Variants in TBC1D12 observed in about 807,000 individuals in gnomAD.
TBC1D12 encodes the protein TBC1 domain family, member 12.
In TBC1D12, 56 loss-of-function variants were observed where a neutral mutation model predicts 86.7. That is an observed-to-expected ratio of 0.65 (90% CI 0.52 to 0.81). The LOEUF (loss-of-function observed/expected upper bound fraction) is 0.81, where lower values mean the gene tolerates loss of function less well. Among genes scored for constraint, TBC1D12 ranks in the 30% least tolerant of loss-of-function variants. The pLI, the probability that TBC1D12 is intolerant of heterozygous loss-of-function variation, is 0.00. For missense variants in TBC1D12, 1,023 were observed against 1,038.8 expected (o/e 0.98, Z 0.21); for synonymous variants, 421 against 411.7 (o/e 1.02, Z -0.27).
chr10:94,428,702 A>G (rs149679835), intron 1 of TBC1D12, among the ~76,000 whole-genome samples: 3 of 151,538 alleles, frequency 2.0e-5, no homozygotes, highest in Non-Finnish European at 4.4e-5. Flanking sequence ...CCTGTGGCCC[A>G]TTTGTGTAGG....
rs2054795783 is a variant in TBC1D12, at chr10:94,403,232, G to A, written c.619G>A (p.Ala207Thr). ...GCTGCGGAGCTGCTGCCTGGTGGCC[G>A]CGGACGCCCAGGAGCCCGAGGGCGC... ...DPLRSCCLVA[A>T]DAQEPEGAGS... Residue 207 changes from alanine (A) to threonine (T), a missense_variant, in exon 1 of 13, where the codon GCG becomes ACG. Ala to Thr is a moderately conservative substitution (Grantham distance 58). Transcript: ENST00000225235. 2 of 1,506,200 alleles carry A rather than the reference G, an allele frequency of 1.3e-6. No individual in the cohort carries two copies. The highest frequency in any genetic ancestry group is 1.8e-6 in the Non-Finnish European group (2 of 1,129,448). The allele number at this position is 1,506,200 out of a possible 1,614,324, so 93.3% of individuals were successfully genotyped here. A position where few individuals can be genotyped will look rare whatever the true frequency, so the allele number is the denominator to read the frequency against.
chr10:94,479,544 AAG>A (rs1385782550), intron 3 of TBC1D12, among the ~76,000 whole-genome samples: 2 of 152,138 alleles, frequency 1.3e-5, no homozygotes, highest in African/African-American at 4.8e-5. Flanking sequence ...AAAAGGAAAT[AAG>A]AGAGACTTAA....
At chr10:94,411,361 A>G (rs1311275807) in intron 1 of TBC1D12, among the ~76,000 whole-genome samples, 5 of 152,176 alleles carry the variant, frequency 3.3e-5, no homozygotes, top group African/African-American at 1.2e-4. Flanking sequence ...GAGTTATTTC[A>G]TGAAGGTTGC....
chr10:94,453,524 A>C (rs564270317), intron 2 of TBC1D12, among the ~76,000 whole-genome samples: 1 of 152,276 alleles, frequency 6.6e-6, no homozygotes, highest in South Asian at 2.1e-4. Flanking sequence ...TATAAAGTTT[A>C]TAAAACATTA....
chr10:94,413,338 G>A (rs1417709932), intron 1 of TBC1D12, among the ~76,000 whole-genome samples: 1 of 152,050 alleles, frequency 6.6e-6, no homozygotes, highest in Non-Finnish European at 1.5e-5. Flanking sequence ...TGCCTGTCTT[G>A]TGAAAAGCTT....
chr10:94,505,916 A>G (rs951292794), intron 6 of TBC1D12, among the ~76,000 whole-genome samples: 1 of 152,196 alleles, frequency 6.6e-6, no homozygotes, highest in Non-Finnish European at 1.5e-5. Context: ...AAAGGATTAT[A>G]TATTTATGTA....
At chr10:94,415,692 C>T (rs1409117456) in intron 1 of TBC1D12, among the ~76,000 whole-genome samples, 1 of 152,096 alleles carries the variant, frequency 6.6e-6, no homozygotes, top group Non-Finnish European at 1.5e-5. Flanking sequence ...TGAGATGGCA[C>T]CACTGCACTC....
chr10:94,485,590 A>C (rs1427698064), intron 3 of TBC1D12, among the ~76,000 whole-genome samples: 2 of 147,234 alleles, frequency 1.4e-5, no homozygotes, highest in Admixed American at 1.4e-4. Context: ...TTTGAGTATC[A>C]AGGTAATACT....
chr10:94,528,274 AG>A (rs780740554), intron 11 of TBC1D12, among the ~76,000 whole-genome samples: 4 of 152,044 alleles, frequency 2.6e-5, no homozygotes, highest in Non-Finnish European at 4.4e-5. Context: ...TTCCTTGTAG[AG>A]GTCTTTCACC....
At chr10:94,528,634 C>CA (rs1200139105) in intron 11 of TBC1D12, among the ~76,000 whole-genome samples, 1 of 151,982 alleles carries the variant, frequency 6.6e-6, no homozygotes, top group Non-Finnish European at 1.5e-5. Context: ...CCAGCCTGGA[C>CA]AATATGGTGA....
At chr10:94,416,022 A>G (rs570171593) in intron 1 of TBC1D12, among the ~76,000 whole-genome samples, 2 of 152,346 alleles carry the variant, frequency 1.3e-5, no homozygotes, top group South Asian at 4.1e-4. Context: ...TTTAATGAGT[A>G]GATAAGATTG....
chr10:94,476,341 G>T (rs11187971), intron 3 of TBC1D12, among the ~76,000 whole-genome samples: 23,697 of 152,066 alleles, frequency 0.16, 2,186 homozygotes, highest in East Asian at 0.38. Context: ...CTAAAGAATT[G>T]TGGTCCCAAT....
chr10:94,403,615 G>C, intron 1 of TBC1D12, 31 bp downstream of exon 1: 1 of 1,424,722 alleles, frequency 7.0e-7, no homozygotes, highest in South Asian at 1.6e-5. Flanking sequence ...GACTCGGGGC[G>C]GGTCCGGGGC....
chr10:94,470,690 C>CTTTTTTTTTTT (rs35586245), intron 2 of TBC1D12, among the ~76,000 whole-genome samples: 3 of 105,822 alleles, frequency 2.8e-5, no homozygotes, highest in Non-Finnish European at 3.9e-5. Flanking sequence ...ATTTGTAATT[C>CTTTTTTTTTTT]TTTTTTTTTT....
At chr10:94,448,426 T>A (rs2055502581) in intron 2 of TBC1D12, among the ~76,000 whole-genome samples, 2 of 152,232 alleles carry the variant, frequency 1.3e-5, no homozygotes, top group African/African-American at 4.8e-5. Flanking sequence ...AAAACAATTA[T>A]TTCACTGATG....
chr10:94,518,222 C>CT (rs531057056), intron 9 of TBC1D12, among the ~76,000 whole-genome samples: 8 of 150,144 alleles, frequency 5.3e-5, no homozygotes, highest in South Asian at 4.3e-4. Context: ...TTTTCTTTTT[C>CT]TTTTTTTTTG....
chr10:94,406,276 G>A (rs150095444), intron 1 of TBC1D12, among the ~76,000 whole-genome samples: 149 of 151,800 alleles, frequency 9.8e-4, no homozygotes, highest in Non-Finnish European at 1.7e-3. Context: ...ACATTCATAT[G>A]GCCACATTAT....
At chr10:94,493,517 A>G in intron 4 of TBC1D12, 70 bp downstream of exon 4, 2 of 1,125,594 alleles carry the variant, frequency 1.8e-6, no homozygotes, top group African/African-American at 1.6e-5. Flanking sequence ...AAATTCATCA[A>G]GTCTGTCTTC....
chr10:94,403,020 G>T lies in TBC1D12; in HGVS notation c.407G>T (p.Gly136Val). 6.4e-7 allele frequency: 1 copy of T among 1,572,806 alleles called. No homozygotes were observed. Among genetic ancestry groups the T allele is most frequent in the South Asian group, 1.2e-5 (1 of 86,734 alleles). The change falls in exon 1 of 13, where the codon GGC becomes GTC. Residue 136 changes from glycine to valine, a missense_variant. Gly to Val is a moderately radical substitution (Grantham distance 109). This residue lies in a region of TBC1D12 where 628 missense variants were observed against 531.1 expected (regional missense o/e 1.18). Transcript: ENST00000225235. ...RAPRHEGMTN[G>V]DSGFLPGRDC... is the part of the protein sequence containing the mutation. ...CCGCGGCACGAAGGCATGACCAACGGCGACTCGGGTTTTCTGCCGGGCCGG... is the reference window on the plus strand; with the variant it reads ...CCGCGGCACGAAGGCATGACCAACGTCGACTCGGGTTTTCTGCCGGGCCGG...
Sources: allele counts gnomAD v4.1 joint callset (sites outside exome capture counted in the v4.1 genomes callset), GRCh38; gene constraint gnomAD v4.1.1; regional missense constraint gnomAD v4.1.1; transcripts MANE v1.5; gene names NCBI Gene and HGNC (gene_info 2026-07-23, HGNC 2026-07-21).